The following NKAIN2 variants were observed in gnomAD, a reference collection of about 807,000 sequenced individuals.
The protein encoded by NKAIN2 is sodium/potassium-transporting ATPase subunit beta-1-interacting protein 2.
NKAIN2 carries 14 observed loss-of-function variants against 32.6 expected under a neutral mutation model. The ratio of observed to expected loss-of-function variants is 0.43; its 90% CI spans 0.28 to 0.67. The LOEUF (loss-of-function observed/expected upper bound fraction) is 0.67, where lower values mean the gene tolerates loss of function less well. Ranked by LOEUF, NKAIN2 falls within the 30% of genes least tolerant of loss-of-function variation. NKAIN2 has a pLI of 0.17. For synonymous variants in NKAIN2, 80 were observed against 87.2 expected, an observed-to-expected ratio of 0.92 and a Z score of 0.46; for missense variants, 198 against 258.3, an observed-to-expected ratio of 0.77 and a Z score of 1.60.
At position 124,600,362 on chromosome 6, in the gene NKAIN2, C is replaced by T. The variant is rs149276783; in HGVS notation, c.274-57824C>T. On this transcript the variant is annotated intron_variant, in intron 3 of 6. Transcript: ENST00000368417. Reference sequence around the variant, plus strand: ...TTTATATGCTCTTATAATATAGAAGCGGTCAATCTGATTGAACCTAAATTT... The same window carrying T: ...TTTATATGCTCTTATAATATAGAAGTGGTCAATCTGATTGAACCTAAATTT... 1.5e-3 allele frequency among the ~76,000 whole-genome samples: 231 copies of T among 152,062 alleles called. 1 individual carries two copies. Among genetic ancestry groups the T allele is most frequent in the African/African-American group, 5.2e-3 (217 of 41,500 alleles).
At chr6:124,611,655 C>A (rs1370018558) in intron 3 of NKAIN2, among the ~76,000 whole-genome samples, 1 of 152,082 alleles carries the variant, frequency 6.6e-6, no homozygotes, top group Non-Finnish European at 1.5e-5. Context: ...GTGGTAAACA[C>A]CACTTTAAAT....
chr6:124,617,236 G>C (rs1782940637), intron 3 of NKAIN2, among the ~76,000 whole-genome samples: 1 of 151,994 alleles, frequency 6.6e-6, no homozygotes, highest in African/African-American at 2.4e-5. Context: ...TTAAAATAAG[G>C]GACATAAAAA....
chr6:123,994,289 T>C (rs1582898874), intron 1 of NKAIN2, among the ~76,000 whole-genome samples: 1 of 151,974 alleles, frequency 6.6e-6, no homozygotes, highest in African/African-American at 2.4e-5. Flanking sequence ...AGAAAGGCTG[T>C]TTTGTTTTTG....
chr6:123,819,605 A>G (rs2114884122), intron 1 of NKAIN2, among the ~76,000 whole-genome samples: 1 of 152,288 alleles, frequency 6.6e-6, no homozygotes, highest in East Asian at 1.9e-4. Flanking sequence ...TAATTTAAAG[A>G]AAAGTGGAAG....
At chr6:124,300,672 G>A (rs888517431) in intron 2 of NKAIN2, among the ~76,000 whole-genome samples, 2 of 152,184 alleles carry the variant, frequency 1.3e-5, no homozygotes, top group Non-Finnish European at 1.5e-5. Context: ...GGACCATAAG[G>A]TCCAGGCCGA....
intron 1 of NKAIN2, among the ~76,000 whole-genome samples, chr6:124,204,027 G>T (rs527332733): frequency 6.6e-6 from 1 of 151,836 alleles, no homozygotes; most frequent in African/African-American, 2.4e-5. Context: ...CACTATTGCA[G>T]CATCTGCTCC....
rs554788454 is a variant in NKAIN2 at position 124,487,820 on chromosome 6, C to G, written c.273+132473C>G. 1.3e-4 allele frequency among the ~76,000 whole-genome samples: 20 copies of G among 152,130 alleles called. 1 individual carries two copies. Among genetic ancestry groups the G allele is most frequent in the South Asian group, 8.3e-4 (4 of 4,812 alleles). On this transcript the variant is annotated intron_variant, in intron 3 of 6. Coordinates refer to ENST00000368417, the MANE Select transcript of NKAIN2 (RefSeq NM_001040214.3). ...GTCCCAGGGGTGTATTGCCCATGGT[C>G]AGAGAGGAAATTAAGACTGCTGACA...
chr6:124,193,551 G>A lies in NKAIN2; in HGVS notation c.55-89454G>A, dbSNP rs559803383. On this transcript the variant is annotated intron_variant, in intron 1 of 6. Transcript: ENST00000368417. ...AAGCCCTGGCTCTGGGAGCTCCTAT[G>A]TCTGGCTCCCAGAAGGGCCGCAGCT... Among the ~76,000 whole-genome samples the A allele has an allele frequency of 3.3e-5, 5 of 152,298 alleles. No homozygotes were observed. In the South Asian group the frequency reaches 1.0e-3, roughly 32 times the overall value.
At chr6:124,530,255 G>A (rs1452507972) in intron 3 of NKAIN2, among the ~76,000 whole-genome samples, 5 of 152,110 alleles carry the variant, frequency 3.3e-5, no homozygotes, top group African/African-American at 1.2e-4. Flanking sequence ...GTTATATACT[G>A]TTTGCTTACA....
chr6:124,814,113 G>T (rs970299856), intron 5 of NKAIN2, among the ~76,000 whole-genome samples: 2 of 152,140 alleles, frequency 1.3e-5, no homozygotes, highest in South Asian at 2.1e-4. Flanking sequence ...ACCCCAAAAA[G>T]TTCCATATGT....
intron 1 of NKAIN2, among the ~76,000 whole-genome samples, chr6:124,185,376 C>T (rs1789665311): frequency 5.9e-5 from 9 of 152,110 alleles, no homozygotes; most frequent in Admixed American, 5.9e-4. Context: ...TACTGTGTGT[C>T]AGCTACAAAG....
intron 3 of NKAIN2, among the ~76,000 whole-genome samples, chr6:124,454,524 A>T (rs1474974898): frequency 6.6e-6 from 1 of 152,076 alleles, no homozygotes; most frequent in African/African-American, 2.4e-5. Flanking sequence ...ATAGTAAACA[A>T]AGAGCCCAGA....
At chr6:124,449,211 C>G (rs1776006537) in intron 3 of NKAIN2, among the ~76,000 whole-genome samples, 1 of 152,040 alleles carries the variant, frequency 6.6e-6, no homozygotes, top group Non-Finnish European at 1.5e-5. Flanking sequence ...ATGTAGTTAT[C>G]TACCTAAGGT....
chr6:124,324,552 C>A (rs1368737432), intron 2 of NKAIN2, among the ~76,000 whole-genome samples: 2 of 151,938 alleles, frequency 1.3e-5, no homozygotes, highest in Non-Finnish European at 2.9e-5. Context: ...TCTGATCTGT[C>A]TTTTAATTAC....
intron 1 of NKAIN2, among the ~76,000 whole-genome samples, chr6:123,931,004 T>C (rs1434957720): frequency 6.6e-6 from 1 of 152,042 alleles, no homozygotes; most frequent in Non-Finnish European, 1.5e-5. Context: ...TAACTGTGTT[T>C]TGCCTGCGAT....
At chr6:124,155,263 A>T (rs1015329156) in intron 1 of NKAIN2, among the ~76,000 whole-genome samples, 3 of 152,110 alleles carry the variant, frequency 2.0e-5, no homozygotes, top group African/African-American at 7.2e-5. Context: ...CTGTAAGATG[A>T]CTCTAGTTAA....
chr6:124,071,027 T>C (rs1390115809), intron 1 of NKAIN2, among the ~76,000 whole-genome samples: 1 of 152,172 alleles, frequency 6.6e-6, no homozygotes, highest in East Asian at 1.9e-4. Context: ...AGGCTGGAAG[T>C]CATGCTCTGG....
chr6:124,469,971 T>C (rs1776909760), intron 3 of NKAIN2, among the ~76,000 whole-genome samples: 5 of 152,172 alleles, frequency 3.3e-5, no homozygotes, highest in Admixed American at 3.3e-4. Flanking sequence ...CAAGTCCTAA[T>C]GGTGCAAGGA....
intron 4 of NKAIN2, among the ~76,000 whole-genome samples, chr6:124,685,574 A>T (rs1338341350): frequency 6.6e-6 from 1 of 152,216 alleles, no homozygotes; most frequent in Non-Finnish European, 1.5e-5. Context: ...CTTTGTGTCT[A>T]GCACACGATA....
Sources: allele counts gnomAD v4.1 joint callset (sites outside exome capture counted in the v4.1 genomes callset), GRCh38; gene constraint gnomAD v4.1.1; transcripts MANE v1.5; gene names NCBI Gene and HGNC (gene_info 2026-07-23, HGNC 2026-07-21).